CDC42SE2: variants seen among roughly 807,000 people sequenced by gnomAD.
CDC42SE2 encodes the protein CDC42 small effector 2.
A neutral mutation model predicts 11.5 loss-of-function variants in CDC42SE2; 3 were observed. The ratio of observed to expected loss-of-function variants is 0.26; its 90% CI spans 0.12 to 0.67. CDC42SE2 has a LOEUF of 0.67. CDC42SE2 is among the 30% of genes least tolerant of loss of function. CDC42SE2 has a pLI of 0.80. For missense variants in CDC42SE2, 82 were observed against 106.8 expected, an observed-to-expected ratio of 0.77 and a Z score of 1.02; for synonymous variants, 33 against 34.8, an observed-to-expected ratio of 0.95 and a Z score of 0.18.
the CDC42SE2 span, among the ~76,000 whole-genome samples, chr5:131,211,127 G>A: frequency 6.6e-6 from 1 of 152,138 alleles, no homozygotes; most frequent in Non-Finnish European, 1.5e-5. Context: ...GTGAGCCACC[G>A]CGCCCTGCCA....
intron 1 of CDC42SE2, among the ~76,000 whole-genome samples, chr5:131,270,485 A>G (rs988152873): frequency 2.0e-5 from 3 of 152,254 alleles, no homozygotes; most frequent in South Asian, 2.1e-4. Context: ...TTTTGAGTAC[A>G]TTCAACATTG....
At chr5:131,252,338 T>A (rs1291389807) in intron 1 of CDC42SE2, among the ~76,000 whole-genome samples, 1 of 152,190 alleles carries the variant, frequency 6.6e-6, no homozygotes, top group African/African-American at 2.4e-5. Flanking sequence ...GCCTGGCTCA[T>A]TATCATATTC....
chr5:131,347,912 T>C (rs1758892832), intron 2 of CDC42SE2, among the ~76,000 whole-genome samples: 1 of 152,242 alleles, frequency 6.6e-6, no homozygotes, highest in Non-Finnish European at 1.5e-5. Context: ...ATTATCTCAA[T>C]AGATGCAGAA....
At chr5:131,388,863 T>G (rs542844260) in intron 4 of CDC42SE2, among the ~76,000 whole-genome samples, 2 of 152,320 alleles carry the variant, frequency 1.3e-5, no homozygotes, top group African/African-American at 4.8e-5. Context: ...GTTTTGGGCT[T>G]TTTTGATGCA....
intron 2 of CDC42SE2, among the ~76,000 whole-genome samples, chr5:131,355,389 A>T (rs1429745120): frequency 1.3e-5 from 2 of 151,996 alleles, no homozygotes; most frequent in Non-Finnish European, 2.9e-5. Flanking sequence ...AGGTGGGAGG[A>T]TCATTTGAAC....
rs565322253 is a variant in CDC42SE2 at position 131,290,532 on chromosome 5, G to A, written c.-454-25444G>A. Among the ~76,000 whole-genome samples, 15 of 146,124 alleles carry A rather than the reference G, an allele frequency of 1.0e-4. No individual in the cohort carries two copies. In the Admixed American group the frequency reaches 1.0e-3, roughly 10 times the overall value. ...GGGTATGGCTCTGTCGCCCAGGCTG[G>A]AGTGCAGTGGCGCGGGGTCAATGGC... On this transcript the variant is annotated intron_variant, in intron 1 of 4. Coordinates refer to ENST00000505065, the MANE Select transcript of CDC42SE2 (RefSeq NM_001375635.1).
chr5:131,324,915 T>C (rs2149736827), intron 2 of CDC42SE2, among the ~76,000 whole-genome samples: 1 of 152,342 alleles, frequency 6.6e-6, no homozygotes, highest in East Asian at 1.9e-4. Context: ...TTTTAGGTTT[T>C]AAACTTTAAA....
intron 1 of CDC42SE2, among the ~76,000 whole-genome samples, chr5:131,264,408 T>TAACCAA (rs1056298212): frequency 3.3e-5 from 5 of 152,046 alleles, no homozygotes; most frequent in African/African-American, 1.2e-4. Context: ...CTCTGAGGAA[T>TAACCAA]GGTTACACGC....
At chr5:131,378,132 C>A (rs1196743853) in intron 3 of CDC42SE2, among the ~76,000 whole-genome samples, 1 of 152,160 alleles carries the variant, frequency 6.6e-6, no homozygotes, top group Non-Finnish European at 1.5e-5. Context: ...AAATATCCAA[C>A]AGCCTCAACT....
chr5:131,378,420 G>GA (rs11338461), intron 3 of CDC42SE2, among the ~76,000 whole-genome samples: 4 of 151,630 alleles, frequency 2.6e-5, no homozygotes, highest in Non-Finnish European at 4.4e-5. Context: ...TGGCATCATA[G>GA]AAAAAAAATA....
chr5:131,282,871 C>T (rs552916317), intron 1 of CDC42SE2, among the ~76,000 whole-genome samples: 5 of 150,230 alleles, frequency 3.3e-5, no homozygotes, highest in South Asian at 2.1e-4. Flanking sequence ...CCTCGTGATG[C>T]GCCTGCCTTG....
At chr5:131,328,870 T>C (rs1349192553) in intron 2 of CDC42SE2, among the ~76,000 whole-genome samples, 1 of 152,244 alleles carries the variant, frequency 6.6e-6, no homozygotes, top group Non-Finnish European at 1.5e-5. Context: ...TGTCAAGTTC[T>C]GTTGGCTGCT....
At chr5:131,361,875 T>G (rs557830529) in intron 3 of CDC42SE2, among the ~76,000 whole-genome samples, 2 of 152,160 alleles carry the variant, frequency 1.3e-5, no homozygotes, top group Non-Finnish European at 2.9e-5. Context: ...TGTGCTCTTG[T>G]GCAGGCGTGT....
chr5:131,273,452 A>G (rs1211816445), intron 1 of CDC42SE2, among the ~76,000 whole-genome samples: 1 of 148,504 alleles, frequency 6.7e-6, no homozygotes, highest in African/African-American at 2.4e-5. Flanking sequence ...CACTGCGCCC[A>G]GCCTTATTTT....
chr5:131,296,049 T>G (rs538583265), intron 1 of CDC42SE2, among the ~76,000 whole-genome samples: 2 of 152,302 alleles, frequency 1.3e-5, no homozygotes, highest in South Asian at 4.1e-4. Context: ...ATGTACAATA[T>G]AAAATACGAA....
chr5:131,229,595 T>C, the CDC42SE2 span, among the ~76,000 whole-genome samples: 2 of 152,088 alleles, frequency 1.3e-5, no homozygotes, highest in East Asian at 1.9e-4. Context: ...TTAAGAAAAC[T>C]TGGAGCTCTG....
intron 1 of CDC42SE2, among the ~76,000 whole-genome samples, chr5:131,297,629 A>G (rs1757598087): frequency 6.6e-6 from 1 of 152,118 alleles, no homozygotes; most frequent in Non-Finnish European, 1.5e-5. Context: ...CTGAGGCAGG[A>G]GAATGGCGTG....
intron 2 of CDC42SE2, among the ~76,000 whole-genome samples, chr5:131,356,211 GTTA>G (rs1749539248): frequency 6.6e-6 from 1 of 152,134 alleles, no homozygotes; most frequent in Non-Finnish European, 1.5e-5. Flanking sequence ...ATATGTTGAT[GTTA>G]TTGTAAAATG....
rs778108146 is a variant in CDC42SE2 at position 131,383,654 on chromosome 5, C to T, written c.55-1889C>T. Among the ~76,000 whole-genome samples the T allele has an allele frequency of 5.8e-4, 89 of 152,220 alleles. 1 individual carries two copies. Among genetic ancestry groups the T allele is most frequent in the Non-Finnish European group, 1.2e-3 (79 of 68,020 alleles). ...TGGCTACTACTGAAAAAATCTAGAG[C>T]TGGGGTCAGCAGACTACTACTTTTA... On this transcript the variant is annotated intron_variant, in intron 3 of 4. Coordinates refer to ENST00000505065, the MANE Select transcript of CDC42SE2 (RefSeq NM_001375635.1).
Sources: allele counts gnomAD v4.1 joint callset (sites outside exome capture counted in the v4.1 genomes callset), GRCh38; gene constraint gnomAD v4.1.1; transcripts MANE v1.5; gene names NCBI Gene and HGNC (gene_info 2026-07-23, HGNC 2026-07-21).